MYT1L: variants seen among roughly 807,000 people sequenced by gnomAD.
MYT1L encodes myelin transcription factor 1-like protein.
In MYT1L, 12 loss-of-function variants were observed where a neutral mutation model predicts 126.7. The ratio of observed to expected loss-of-function variants is 0.09; its 90% CI spans 0.06 to 0.15. MYT1L has a LOEUF of 0.15. Among genes scored for constraint, MYT1L ranks in the 10% least tolerant of loss-of-function variants. The pLI is 1.00. For synonymous variants in MYT1L, 541 were observed against 604.2 expected (o/e 0.90, Z 1.53); for missense variants, 979 against 1,585.2 (o/e 0.62, Z 6.49).
intron 8 of MYT1L, among the ~76,000 whole-genome samples, chr2:1,962,077 CATCT>C (rs1387514714): frequency 1.3e-5 from 2 of 152,194 alleles, no homozygotes; most frequent in African/African-American, 2.4e-5. Context: ...AAACTACATA[CATCT>C]ATTACACATT....
intron 2 of MYT1L, among the ~76,000 whole-genome samples, chr2:2,236,764 TTCTTCTTC>T (rs2094319708): frequency 5.8e-5 from 1 of 17,172 alleles, no homozygotes; most frequent in Non-Finnish European, 1.3e-4. Context: ...TCCTTTCTTC[TTCTTCTTC>T]TTCTTCTTCT....
At chr2:2,113,603 G>C (rs556149364) in intron 3 of MYT1L, among the ~76,000 whole-genome samples, 6 of 152,286 alleles carry the variant, frequency 3.9e-5, no homozygotes, top group African/African-American at 7.2e-5. Context: ...CTGAAAACTG[G>C]GCCACTTTTA....
chr2:2,098,050 T>C lies in MYT1L; in HGVS notation c.-303-43927A>G, dbSNP rs116092730. 9.8e-3 allele frequency among the ~76,000 whole-genome samples: 1,495 copies of C among 152,302 alleles called. 31 individuals are homozygous for C. The highest frequency in any genetic ancestry group is 0.034 in the African/African-American group (1,404 of 41,550). On this transcript the variant is annotated intron_variant, in intron 3 of 24. Coordinates refer to ENST00000647738, the MANE Select transcript of MYT1L (RefSeq NM_001303052.2). ...TTTACCTTCCACCATGATTGGAAGC[T>C]TCCTGAGGCCCTTACCAGGAGCATA...
At chr2:2,251,421 C>T (rs2094646587) in intron 2 of MYT1L, among the ~76,000 whole-genome samples, 1 of 152,194 alleles carries the variant, frequency 6.6e-6, no homozygotes, top group African/African-American at 2.4e-5. Flanking sequence ...TGAATGCCAT[C>T]ACCAATGCTG....
At chr2:2,310,183 A>G (rs1408147230) in intron 1 of MYT1L, among the ~76,000 whole-genome samples, 1 of 152,010 alleles carries the variant, frequency 6.6e-6, no homozygotes, top group Non-Finnish European at 1.5e-5. Flanking sequence ...TACTCTATCT[A>G]TACTCCACCT....
chr2:1,963,005 T>C (rs1028235436), intron 8 of MYT1L, among the ~76,000 whole-genome samples: 3 of 152,236 alleles, frequency 2.0e-5, no homozygotes, highest in Non-Finnish European at 4.4e-5. Context: ...AGATTTTCAA[T>C]TTACTATGTC....
At chr2:1,797,814 G>A (rs936015913) in intron 23 of MYT1L, among the ~76,000 whole-genome samples, 3 of 152,150 alleles carry the variant, frequency 2.0e-5, no homozygotes, top group Admixed American at 1.3e-4. Flanking sequence ...AACCCCTTCC[G>A]CAGAGAGTGG....
chr2:2,121,445 G>C (rs1281009151), intron 3 of MYT1L, among the ~76,000 whole-genome samples: 1 of 151,910 alleles, frequency 6.6e-6, no homozygotes, highest in African/African-American at 2.4e-5. Flanking sequence ...AAGGTGCTGG[G>C]ATTACAGGCA....
At chr2:1,862,100 TAA>T (rs969872470) in intron 18 of MYT1L, among the ~76,000 whole-genome samples, 5 of 152,238 alleles carry the variant, frequency 3.3e-5, no homozygotes, top group Admixed American at 1.3e-4. Context: ...AGTATGATTT[TAA>T]AACTTTTTTG....
chr2:1,990,614 C>T (rs2061380391), intron 5 of MYT1L, among the ~76,000 whole-genome samples: 1 of 152,158 alleles, frequency 6.6e-6, no homozygotes, highest in Non-Finnish European at 1.5e-5. Flanking sequence ...TATCTAAGCT[C>T]CATGGCCAGG....
intron 3 of MYT1L, among the ~76,000 whole-genome samples, chr2:2,120,273 G>C (rs1559068765): frequency 6.6e-6 from 1 of 152,128 alleles, no homozygotes; most frequent in Non-Finnish European, 1.5e-5. Flanking sequence ...GCTCAGCTTA[G>C]GGTAAATCAC....
rs540841353 is a variant in MYT1L at position 1,929,568 on chromosome 2, G to A, written c.506-6305C>T. ...AGTGCTTCTGTGTGTCTTATTTCCA[G>A]TATCATAGGAAATTTTCAGAATAGT... On this transcript the variant is annotated intron_variant, in intron 9 of 24. Coordinates refer to ENST00000647738, the MANE Select transcript of MYT1L (RefSeq NM_001303052.2). The surrounding 1 kb of genome is among the most constrained non-coding windows in gnomAD (Gnocchi z 4.7). Among the ~76,000 whole-genome samples the A allele has an allele frequency of 4.1e-4, 62 of 152,286 alleles. No homozygotes were observed. The highest frequency in any genetic ancestry group is 1.4e-3 in the African/African-American group (59 of 41,548).
intron 23 of MYT1L, chr2:1,795,674 G>C (rs952246418): frequency 6.6e-6 from 1 of 152,266 alleles, no homozygotes; most frequent in Non-Finnish European, 1.5e-5. Flanking sequence ...TGGCGGACCT[G>C]AGTCTGCATT....
intron 8 of MYT1L, among the ~76,000 whole-genome samples, chr2:1,960,924 G>A (rs1273041046): frequency 6.6e-6 from 1 of 152,236 alleles, no homozygotes; most frequent in African/African-American, 2.4e-5. Context: ...TCCAGTGCAT[G>A]TGTGCATCTG....
At chr2:2,071,331 T>A (rs1336830189) in intron 3 of MYT1L, among the ~76,000 whole-genome samples, 1 of 152,214 alleles carries the variant, frequency 6.6e-6, no homozygotes, top group East Asian at 1.9e-4. Flanking sequence ...CACTGATTCA[T>A]TAATTTGGTC....
chr2:2,278,329 T>C (rs1277863286), intron 2 of MYT1L, among the ~76,000 whole-genome samples: 1 of 152,202 alleles, frequency 6.6e-6, no homozygotes, highest in East Asian at 1.9e-4. Context: ...CTTTCAAACA[T>C]AGAAAGCTGG....
intron 10 of MYT1L, among the ~76,000 whole-genome samples, chr2:1,918,430 G>T (rs1426766941): frequency 6.6e-6 from 1 of 152,126 alleles, no homozygotes; most frequent in African/African-American, 2.4e-5. Flanking sequence ...ATTTTCTTTA[G>T]GGATTAGTTC....
At chr2:1,958,473 G>T (rs1303378974) in intron 8 of MYT1L, among the ~76,000 whole-genome samples, 1 of 152,238 alleles carries the variant, frequency 6.6e-6, no homozygotes, top group African/African-American at 2.4e-5. Context: ...ATCACTACAG[G>T]TGTTAGGTGA....
intron 14 of MYT1L, 176 bp downstream of exon 14, chr2:1,902,904 C>T (rs1028746921): frequency 3.3e-6 from 2 of 610,316 alleles, no homozygotes; most frequent in African/African-American, 3.7e-5. Context: ...TGCTCACCTA[C>T]AGCTGTGTGG....
Sources: allele counts gnomAD v4.1 joint callset (sites outside exome capture counted in the v4.1 genomes callset), GRCh38; gene constraint gnomAD v4.1.1; non-coding constraint Gnocchi (gnomAD v3.1); transcripts MANE v1.5; gene names NCBI Gene and HGNC (gene_info 2026-07-23, HGNC 2026-07-21).